Variants in F5 observed in about 807,000 individuals in gnomAD.
F5 encodes coagulation factor V.
In F5, 138 loss-of-function variants were observed where a neutral mutation model predicts 216.4. That is an observed-to-expected ratio of 0.64 (90% CI 0.56 to 0.73). F5 has a LOEUF of 0.73. Ranked by LOEUF, F5 falls within the 30% of genes least tolerant of loss-of-function variation. The probability of loss-of-function intolerance (pLI) is 0.00; values close to 1 mark genes in which losing one functional copy is unlikely to be tolerated. For missense variants in F5, 2,403 were observed against 2,674.0 expected, an observed-to-expected ratio of 0.90 and a Z score of 2.24; for synonymous variants, 916 against 930.7, an observed-to-expected ratio of 0.98 and a Z score of 0.29.
At chr1:169,518,046 C>T (rs958626259) in intron 23 of F5, among the ~76,000 whole-genome samples, 2 of 152,134 alleles carry the variant, frequency 1.3e-5, no homozygotes, top group Middle Eastern at 3.2e-3. Context: ...CATTCATTTA[C>T]ATATTGTTTA....
chr1:169,561,798 A>G (rs1295337794), intron 3 of F5, among the ~76,000 whole-genome samples: 3 of 152,066 alleles, frequency 2.0e-5, no homozygotes, highest in African/African-American at 7.2e-5. Flanking sequence ...GGATCTGGGG[A>G]AAAAAGCCTG....
rs72708013 is a variant in F5, at chr1:169,512,493, T to G, written c.*1820A>C. On this transcript the variant is annotated 3_prime_UTR_variant, in exon 25 of 25. Coordinates refer to ENST00000367797, the MANE Select transcript of F5 (RefSeq NM_000130.5). The stretch of plus-strand genomic sequence containing the variant: ...TAAAAAATAAAGGATTTCAAGAGGG[T>G]AACTGCAAAGCATTAAATTTAGCAT... 0.055 allele frequency among the ~76,000 whole-genome samples: 8,425 copies of G among 152,132 alleles called. 348 individuals carry two copies. The highest frequency in any genetic ancestry group is 0.1 in the Admixed American group (1,536 of 15,248).
Position 169,527,263 on chromosome 1 carries a change from C to T in F5, c.5599+652G>A, listed in dbSNP as rs556464304. Among the ~76,000 whole-genome samples the T allele has an allele frequency of 9.9e-5, 15 of 152,262 alleles. No individual in the cohort carries two copies. In the East Asian group the frequency reaches 1.5e-3, roughly 16 times the overall value. On this transcript the variant is annotated intron_variant, in intron 17 of 24. Transcript: ENST00000367797. ...CTCTGCCTTCACATCTGCATTTTAA[C>T]TGACTTCCTAGGTTTTTATACTGCT...
At chr1:169,550,317 T>C (rs1660139456) in intron 9 of F5, among the ~76,000 whole-genome samples, 1 of 123,046 alleles carries the variant, frequency 8.1e-6, no homozygotes, top group Admixed American at 1.0e-4. Flanking sequence ...CCCCGGTGTG[T>C]GATGTTCCCC....
In F5 at chr1:169,559,176, C is replaced by T. The variant is rs1660400928; in HGVS notation, c.707G>A (p.Gly236Glu). The T allele has an allele frequency of 6.2e-7, 1 of 1,613,666 alleles. No homozygotes were observed. Among genetic ancestry groups the T allele is most frequent in the African/African-American group, 1.3e-5 (1 of 74,876 alleles). Residue 236 changes from glycine to glutamate, a missense_variant, in exon 5 of 25, where the codon GGA becomes GAA. By Grantham distance (98) the Gly-to-Glu change is moderately conservative. Coordinates refer to ENST00000367797, the MANE Select transcript of F5 (RefSeq NM_000130.5). Reference protein sequence around the residue: ...QSSSLMYTVNGYVNGTMPDIT... With the variant: ...QSSSLMYTVNEYVNGTMPDIT... ...ACCTGGCATTGTCCCATTCACATAT[C>T]CATTGACTGTGTACATTAGGGATGA...
rs1196507883 is a variant in F5 at position 169,541,932 on chromosome 1, C to A, written c.3158G>T (p.Ser1053Ile). 7 of 1,614,124 alleles carry A rather than the reference C, an allele frequency of 4.3e-6. No individual in the cohort carries two copies. The highest frequency in any genetic ancestry group is 4.2e-6 in the Non-Finnish European group (5 of 1,180,008). The change falls in exon 13 of 25, where the codon AGT becomes ATT. Residue 1053 changes from serine to isoleucine, a missense_variant. Transcript: ENST00000367797. ...LSPRTFHPLR[S>I]EAYNTFSERR... The stretch of plus-strand genomic sequence containing the variant: ...TTCTGAAAATGTGTTGTAGGCTTCA[C>A]TTCTTAGAGGGTGAAAGGTCCTCGG...
rs774687031 is a variant in F5, at chr1:169,560,743, A to G, written c.397T>C (p.Phe133Leu). The change falls in exon 4 of 25, where the codon TTC becomes CTC. Residue 133 changes from phenylalanine to leucine, a missense_variant. Coordinates refer to ENST00000367797, the MANE Select transcript of F5 (RefSeq NM_000130.5). ...SEGASYLDHT[F>L]PAEKMDDAVA... ...GCGTCGTCCATCTTCTCCGCAGGGA[A>G]TGTGTGGTCAAGGTAAGAAGCACCT... is the stretch of plus-strand genomic sequence containing the variant. The G allele has an allele frequency of 3.1e-6, 5 of 1,612,216 alleles. No homozygotes were observed. The highest frequency in any genetic ancestry group is 2.5e-6 in the Non-Finnish European group (3 of 1,179,508).
At chr1:169,521,911 G>A (rs9332651) in intron 21 of F5, among the ~76,000 whole-genome samples, 37,145 of 147,586 alleles carry the variant, frequency 0.25, 4,743 homozygotes, top group South Asian at 0.35. Context: ...GAGCCACTGC[G>A]CCCGGCCAAG....
At chr1:169,518,679 C>T (rs996423716) in intron 22 of F5, 116 bp from the exon 23 acceptor site, 9 of 1,140,240 alleles carry the variant, frequency 7.9e-6, no homozygotes, top group Non-Finnish European at 1.2e-5. Context: ...AAACAATAAC[C>T]ACAACAATGA....
Position 169,513,214 on chromosome 1 carries a change from A to G in F5, c.*1099T>C, listed in dbSNP as rs886103412. Among the ~76,000 whole-genome samples, 2 of 152,050 alleles carry G rather than the reference A, an allele frequency of 1.3e-5. No homozygotes were observed. The highest frequency in any genetic ancestry group is 4.8e-5 in the African/African-American group (2 of 41,406). ...TATGTACACGTTACAGGATGATTAA[A>G]TCAAGCTAAGTAACAAATCCATAAT... On this transcript the variant is annotated 3_prime_UTR_variant, in exon 25 of 25. Transcript: ENST00000367797.
chr1:169,580,981 G>T, intron 2 of F5, among the ~76,000 whole-genome samples: 1 of 152,130 alleles, frequency 6.6e-6, no homozygotes, highest in East Asian at 1.9e-4. Context: ...AGGTACTGGG[G>T]ATGTATAGAA....
Position 169,540,715 on chromosome 1 carries a change from C to T in F5, c.4375G>A (p.Asp1459Asn), listed in dbSNP as rs1659813534. 6.2e-7 allele frequency: 1 copy of T among 1,613,874 alleles called. No homozygotes were observed. The highest frequency in any genetic ancestry group is 8.5e-7 in the Non-Finnish European group (1 of 1,179,976). The change falls in exon 13 of 25, where the codon GAC becomes AAC. Residue 1459 changes from aspartate (D) to asparagine (N), a missense_variant. By Grantham distance (23) the Asp-to-Asn change is conservative. This residue lies in a region of F5 where 293 missense variants were observed against 270.8 expected (regional missense o/e 1.08). Coordinates refer to ENST00000367797, the MANE Select transcript of F5 (RefSeq NM_000130.5). ...GAAGGGTAGAATATCTGATCAAGGT[C>T]TGGAGGAGGTGATATCTGGCTGAGA... ...PDLSQISPPP[D>N]LDQIFYPSES...
intron 13 of F5, among the ~76,000 whole-genome samples, chr1:169,537,452 C>T (rs1021463508): frequency 9.2e-5 from 14 of 152,014 alleles, no homozygotes; most frequent in African/African-American, 2.4e-4. Context: ...GATTTGACCT[C>T]GAAAGTACAG....
At chr1:169,559,795 G>GT (rs889354595) in intron 4 of F5, among the ~76,000 whole-genome samples, 7 of 152,086 alleles carry the variant, frequency 4.6e-5, no homozygotes, top group African/African-American at 7.2e-5. Flanking sequence ...AAGTTTTAAG[G>GT]TTTTTTTCAG....
At chr1:169,552,793 G>A in intron 7 of F5, 59 bp from the exon 8 acceptor site, 2 of 1,275,396 alleles carry the variant, frequency 1.6e-6, no homozygotes, top group Non-Finnish European at 2.3e-6. Flanking sequence ...TCGGTAGGAT[G>A]GGGAAACCCT....
chr1:169,559,126 T>C (rs1435638129), intron 5 of F5, 27 bp downstream of exon 5: 3 of 1,613,308 alleles, frequency 1.9e-6, no homozygotes, highest in Non-Finnish European at 2.5e-6. Flanking sequence ...TTTACTGTTG[T>C]TTAATGGTAC....
At chr1:169,519,912 G>A (rs547051345) in intron 22 of F5, among the ~76,000 whole-genome samples, 111 of 152,256 alleles carry the variant, frequency 7.3e-4, no homozygotes, top group Admixed American at 1.4e-3. Context: ...AAACATCCTT[G>A]CTATATATAG....
chr1:169,523,876 T>A lies in F5; in HGVS notation c.5817A>T (p.Leu1939Phe). The part of the protein sequence containing the change: ...LGYWEPRLAR[L>F]NNGGSYNAWS... ...AAGCATTATAAGATCCACCATTGTT[T>A]AATCTTGCTAATCTGGGCTCCCAGT... Residue 1939 changes from leucine (L) to phenylalanine (F), a missense_variant, in exon 20 of 25, where the codon TTA becomes TTT. This residue lies in a region of F5 where 659 missense variants were observed against 787.9 expected (regional missense o/e 0.84). Coordinates refer to ENST00000367797, the MANE Select transcript of F5 (RefSeq NM_000130.5). 7 of 1,613,800 alleles carry A rather than the reference T, an allele frequency of 4.3e-6. No homozygotes were observed. Among genetic ancestry groups the A allele is most frequent in the Non-Finnish European group, 5.9e-6 (7 of 1,179,852 alleles).
Position 169,542,573 on chromosome 1 carries a change from A to C in F5, c.2517T>G (p.Pro839=). 6.2e-7 allele frequency: 1 copy of C among 1,614,038 alleles called. No homozygotes were observed. Among genetic ancestry groups the C allele is most frequent in the African/African-American group, 1.3e-5 (1 of 75,008 alleles). Residue 839 remains proline, a synonymous_variant, in exon 13 of 25, where the codon CCT becomes CCG. Transcript: ENST00000367797. ...GTATCCCTGTGACATCTGGCTGTAG[A>C]GGATCCTCTATAGGGTCTTCAGAAT... The part of the protein sequence containing the change: ...SPYSEDPIED[P]LQPDVTGIRL...
Sources: allele counts gnomAD v4.1 joint callset (sites outside exome capture counted in the v4.1 genomes callset), GRCh38; gene constraint gnomAD v4.1.1; regional missense constraint gnomAD v4.1.1; transcripts MANE v1.5; gene names NCBI Gene and HGNC (gene_info 2026-07-23, HGNC 2026-07-21).